Variants in PIP5K1B observed in about 807,000 individuals in gnomAD.
PIP5K1B encodes the protein phosphatidylinositol-4-phosphate 5-kinase type 1 beta, also known as phosphatidylinositol 4-phosphate 5-kinase type-1 beta.
A neutral mutation model predicts 67.0 loss-of-function variants in PIP5K1B; 42 were observed. The ratio of observed to expected loss-of-function variants is 0.63; its 90% CI spans 0.49 to 0.81. The LOEUF (loss-of-function observed/expected upper bound fraction) is 0.81. PIP5K1B is among the 30% of genes least tolerant of loss of function. The probability of loss-of-function intolerance (pLI) is 0.00; values close to 1 mark genes in which losing one functional copy is unlikely to be tolerated. For synonymous variants in PIP5K1B, 214 were observed against 231.4 expected (o/e 0.92, Z 0.68); for missense variants, 459 against 646.3 (o/e 0.71, Z 3.14).
chr9:68,841,090 CTCCT>C (rs1263548721), intron 4 of PIP5K1B, among the ~76,000 whole-genome samples: 1 of 152,162 alleles, frequency 6.6e-6, no homozygotes, highest in African/African-American at 2.4e-5. Context: ...TTCTACTTCA[CTCCT>C]TCCATAAAAT....
intron 8 of PIP5K1B, among the ~76,000 whole-genome samples, chr9:68,916,312 A>C (rs920182638): frequency 3.9e-5 from 6 of 152,120 alleles, no homozygotes; most frequent in Non-Finnish European, 8.8e-5. Flanking sequence ...CTTCCTGAAC[A>C]CTGCTCTTCC....
At chr9:68,847,497 A>G (rs564603207) in intron 4 of PIP5K1B, among the ~76,000 whole-genome samples, 1 of 127,626 alleles carries the variant, frequency 7.8e-6, no homozygotes, top group African/African-American at 3.0e-5. Flanking sequence ...GAAGGGATGG[A>G]TGAGAGGGTG....
At chr9:68,835,866 A>G (rs1246074990) in intron 4 of PIP5K1B, among the ~76,000 whole-genome samples, 3 of 146,008 alleles carry the variant, frequency 2.1e-5, no homozygotes, top group African/African-American at 7.7e-5. Context: ...TTTCCGTCAT[A>G]TTAAATAAAA....
At chr9:68,781,970 A>G (rs955174175) in intron 2 of PIP5K1B, 5 of 167,072 alleles carry the variant, frequency 3.0e-5, no homozygotes, top group African/African-American at 9.6e-5. Flanking sequence ...ACTTTAAAAT[A>G]TTCAGTTGTG....
At chr9:68,864,884 T>C (rs1823280360) in intron 5 of PIP5K1B, among the ~76,000 whole-genome samples, 1 of 152,224 alleles carries the variant, frequency 6.6e-6, no homozygotes, top group Non-Finnish European at 1.5e-5. Context: ...TAAACATAGC[T>C]AAAGTGACAC....
intron 5 of PIP5K1B, among the ~76,000 whole-genome samples, chr9:68,867,392 T>C (rs940814159): frequency 1.3e-5 from 2 of 152,238 alleles, no homozygotes; most frequent in African/African-American, 4.8e-5. Context: ...AAGAAACTTA[T>C]GTTAGTCTTG....
At chr9:68,907,212 T>C (rs1439577002) in intron 8 of PIP5K1B, among the ~76,000 whole-genome samples, 1 of 152,158 alleles carries the variant, frequency 6.6e-6, no homozygotes. Context: ...CTGTCCCTGT[T>C]TTATCCTCCA....
chr9:68,940,794 A>G lies in PIP5K1B; in HGVS notation c.1502+4A>G. The G allele has an allele frequency of 6.2e-7, 1 of 1,613,382 alleles. No homozygotes were observed. Among genetic ancestry groups the G allele is most frequent in the Non-Finnish European group, 8.5e-7 (1 of 1,179,366 alleles). ...GGCCTACACTCTATTCAAACAGGTA[A>G]TACTTAGTGCAGTCAAATAACCCAT... On this transcript the variant is annotated splice_donor_region_variant and intron_variant, in intron 14 of 15. Transcript: ENST00000265382.
At chr9:68,868,745 A>T (rs10869440) in intron 5 of PIP5K1B, among the ~76,000 whole-genome samples, 60,205 of 152,148 alleles carry the variant, frequency 0.4, 12,591 homozygotes, top group Middle Eastern at 0.49. Context: ...AGCTGGTGGT[A>T]AAAGTTTAAA....
chr9:68,985,409 G>A (rs561137351), intron 14 of PIP5K1B, among the ~76,000 whole-genome samples: 4 of 151,942 alleles, frequency 2.6e-5, no homozygotes, highest in East Asian at 1.9e-4. Flanking sequence ...CCACCACCAC[G>A]CCTGGCTAAT....
At chr9:68,885,369 C>A (rs1453765273) in intron 6 of PIP5K1B, among the ~76,000 whole-genome samples, 2 of 152,152 alleles carry the variant, frequency 1.3e-5, no homozygotes, top group East Asian at 3.8e-4. Flanking sequence ...CTGGATGGAA[C>A]AAATCAGCTC....
At chr9:68,965,585 T>G (rs1461617511) in intron 14 of PIP5K1B, 1 of 152,220 alleles carries the variant, frequency 6.6e-6, no homozygotes, top group African/African-American at 2.4e-5. Context: ...GCTTTGTGTT[T>G]AAGGATGAGA....
At chr9:68,922,995 C>T (rs1008452559) in intron 11 of PIP5K1B, among the ~76,000 whole-genome samples, 2 of 152,172 alleles carry the variant, frequency 1.3e-5, no homozygotes, top group Admixed American at 6.5e-5. Context: ...AAAAACTCCT[C>T]CTGGGACACA....
chr9:68,839,065 T>G (rs1211270066), intron 4 of PIP5K1B, among the ~76,000 whole-genome samples: 1 of 152,232 alleles, frequency 6.6e-6, no homozygotes, highest in Non-Finnish European at 1.5e-5. Flanking sequence ...GAGTTAGTGC[T>G]TTTTGCAAGT....
intron 4 of PIP5K1B, among the ~76,000 whole-genome samples, chr9:68,833,657 A>G (rs950057000): frequency 1.3e-5 from 2 of 152,114 alleles, no homozygotes; most frequent in African/African-American, 2.4e-5. Context: ...AGCAGCCTAG[A>G]CAAAGGTTGT....
intron 4 of PIP5K1B, among the ~76,000 whole-genome samples, chr9:68,857,149 C>T (rs922502418): frequency 6.6e-6 from 1 of 152,204 alleles, no homozygotes; most frequent in African/African-American, 2.4e-5. Flanking sequence ...ACCAGAGTCT[C>T]TGAAGGAACG....
intron 3 of PIP5K1B, 79 bp from the exon 4 acceptor site, chr9:68,822,536 C>A: frequency 9.8e-7 from 1 of 1,016,778 alleles, no homozygotes; most frequent in South Asian, 1.6e-5. Context: ...TAAAATAGAT[C>A]CTTTGGTTAG....
chr9:68,951,843 C>T (rs770778844), intron 14 of PIP5K1B, among the ~76,000 whole-genome samples: 1 of 152,216 alleles, frequency 6.6e-6, no homozygotes, highest in Non-Finnish European at 1.5e-5. Context: ...TGTGCAATCA[C>T]CTTCAACTCT....
chr9:68,939,630 G>A (rs766279988), intron 13 of PIP5K1B, among the ~76,000 whole-genome samples: 2 of 152,112 alleles, frequency 1.3e-5, no homozygotes, highest in African/African-American at 2.4e-5. Context: ...TGAATTGGAG[G>A]CAGAGCTCCA....
Sources: gnomAD v4.1 joint callset for allele counts (sites outside exome capture counted in the v4.1 genomes callset) on GRCh38, gnomAD v4.1.1 for gene constraint, MANE v1.5 for transcripts, NCBI Gene and HGNC (gene_info 2026-07-23, HGNC 2026-07-21) for gene names.